ATE1: variants seen among roughly 807,000 people sequenced by gnomAD.
ATE1 encodes arginyl-tRNA--protein transferase 1.
A neutral mutation model predicts 70.5 loss-of-function variants in ATE1; 36 were observed. The observed-to-expected ratio is 0.51, with a 90% confidence interval of 0.39 to 0.67. The LOEUF (loss-of-function observed/expected upper bound fraction) is 0.67, where lower values mean the gene tolerates loss of function less well. Ranked by LOEUF, ATE1 falls within the 30% of genes least tolerant of loss-of-function variation. The pLI, the probability that ATE1 is intolerant of heterozygous loss-of-function variation, is 0.00. For synonymous variants in ATE1, 232 were observed against 219.3 expected (o/e 1.06, Z -0.51); for missense variants, 593 against 629.5 (o/e 0.94, Z 0.62).
At chr10:121,863,719 C>G (rs906518452) in intron 8 of ATE1, among the ~76,000 whole-genome samples, 2 of 152,160 alleles carry the variant, frequency 1.3e-5, no homozygotes, top group African/African-American at 2.4e-5. Context: ...AAATGATCTT[C>G]CCACCTCAGT....
At chr10:121,881,390 A>G (rs1950218318) in intron 7 of ATE1, among the ~76,000 whole-genome samples, 1 of 152,208 alleles carries the variant, frequency 6.6e-6, no homozygotes, top group Non-Finnish European at 1.5e-5. Flanking sequence ...TCAAAACGAG[A>G]GATCTGCTCC....
chr10:121,853,444 T>G (rs1949132114), intron 8 of ATE1, among the ~76,000 whole-genome samples: 1 of 152,108 alleles, frequency 6.6e-6, no homozygotes, highest in Admixed American at 6.5e-5. Flanking sequence ...TCAGAAACTT[T>G]TTGAGCACTG....
At chr10:121,769,889 T>C (rs4393248) in intron 11 of ATE1, among the ~76,000 whole-genome samples, 126,469 of 152,226 alleles carry the variant, frequency 0.83, 52,912 homozygotes, top group Middle Eastern at 0.89. Flanking sequence ...AAAGAAGTGT[T>C]ATCTTTCATC....
chr10:121,886,062 C>T (rs12266597), intron 7 of ATE1, among the ~76,000 whole-genome samples: 20,032 of 151,970 alleles, frequency 0.13, 1,521 homozygotes, highest in East Asian at 0.19. Flanking sequence ...GGGCATTTCC[C>T]TTGATTGTCA....
chr10:121,849,122 A>G (rs1289156905), intron 8 of ATE1, among the ~76,000 whole-genome samples: 1 of 151,250 alleles, frequency 6.6e-6, no homozygotes, highest in Non-Finnish European at 1.5e-5. Flanking sequence ...GAGGCACGAG[A>G]ATTGCTTGAT....
chr10:121,926,595 A>C, intron 1 of ATE1: 2 of 552,846 alleles, frequency 3.6e-6, no homozygotes, highest in Non-Finnish European at 2.3e-6. Flanking sequence ...TTATTGGAAA[A>C]AAATAAGTAA....
At chr10:121,906,959 AT>A (rs2134380756) in intron 5 of ATE1, among the ~76,000 whole-genome samples, 1 of 152,280 alleles carries the variant, frequency 6.6e-6, no homozygotes, top group African/African-American at 2.4e-5. Context: ...AGTGAAAAAA[AT>A]AAGAACCCTG....
intron 3 of ATE1, among the ~76,000 whole-genome samples, chr10:121,921,962 G>A (rs943506223): frequency 2.6e-5 from 4 of 152,158 alleles, no homozygotes; most frequent in African/African-American, 9.7e-5. Flanking sequence ...CTGTAGCATT[G>A]CTTGAACACA....
intron 1 of ATE1, among the ~76,000 whole-genome samples, chr10:121,926,470 T>G (rs781571423): frequency 2.6e-5 from 4 of 152,114 alleles, no homozygotes; most frequent in Non-Finnish European, 5.9e-5. Context: ...AAAATTAAAA[T>G]CGAGATACTA....
At chr10:121,819,894 C>T (rs1489470845) in intron 10 of ATE1, among the ~76,000 whole-genome samples, 1 of 151,788 alleles carries the variant, frequency 6.6e-6, no homozygotes, top group African/African-American at 2.4e-5. Flanking sequence ...GCCTGTAATC[C>T]CAGCACTTTG....
At chr10:121,895,674 G>A (rs986597067) in intron 7 of ATE1, among the ~76,000 whole-genome samples, 7 of 151,812 alleles carry the variant, frequency 4.6e-5, no homozygotes, top group Non-Finnish European at 8.8e-5. Flanking sequence ...TCAGCCAGGT[G>A]CAGTGGCTCA....
chr10:121,885,066 G>A (rs1338573916), intron 7 of ATE1, among the ~76,000 whole-genome samples: 2 of 151,616 alleles, frequency 1.3e-5, no homozygotes, highest in East Asian at 3.9e-4. Flanking sequence ...TTTAAGACCA[G>A]CCTGGCCAAC....
At chr10:121,886,114 A>T (rs1950388834) in intron 7 of ATE1, among the ~76,000 whole-genome samples, 1 of 151,858 alleles carries the variant, frequency 6.6e-6, no homozygotes, top group Non-Finnish European at 1.5e-5. Flanking sequence ...GCATTTTTGG[A>T]TTTCAGATTT....
chr10:121,877,339 A>G (rs952370095), intron 7 of ATE1, among the ~76,000 whole-genome samples: 9 of 152,258 alleles, frequency 5.9e-5, no homozygotes, highest in African/African-American at 1.4e-4. Context: ...CCGAAATTTT[A>G]TACAAGAGAA....
intron 7 of ATE1, among the ~76,000 whole-genome samples, chr10:121,891,953 A>C (rs1675571997): frequency 6.6e-6 from 1 of 152,220 alleles, no homozygotes; most frequent in Non-Finnish European, 1.5e-5. Context: ...AACTTTTCAA[A>C]GAACTTTTTT....
intron 3 of ATE1, 24 bp downstream of exon 3, chr10:121,922,325 C>G (rs764745558): frequency 6.7e-7 from 1 of 1,498,920 alleles, no homozygotes; most frequent in Admixed American, 1.8e-5. Context: ...TATAAATCCT[C>G]TTTCTACTAA....
chr10:121,766,639 G>C (rs1325606978), intron 11 of ATE1, among the ~76,000 whole-genome samples: 4 of 151,894 alleles, frequency 2.6e-5, no homozygotes, highest in Non-Finnish European at 5.9e-5. Flanking sequence ...GCTCCCTCTA[G>C]CCAAAGTACC....
intron 10 of ATE1, among the ~76,000 whole-genome samples, chr10:121,821,088 CCCA>C (rs1947776793): frequency 6.6e-6 from 1 of 152,132 alleles, no homozygotes; most frequent in Non-Finnish European, 1.5e-5. Flanking sequence ...ACTACAGGCG[CCCA>C]CCACCACGCC....
At position 121,913,834 on chromosome 10, in the gene ATE1, AAC is replaced by A; in HGVS notation, c.291_292del (p.Met97IlefsTer6). On this transcript the variant is annotated frameshift_variant, in exon 4 of 12. Transcript: ENST00000224652. LOFTEE classifies it high-confidence loss of function. ...AACCTCCCCTTTAGCTAGAAATTTC[AAC>A]ATTTTTTTCAAAACCTTCTTGTGAG... is the stretch of plus-strand genomic sequence containing the variant. The A allele has an allele frequency of 6.2e-7, 1 of 1,613,506 alleles. No individual in the cohort carries two copies. The highest frequency in any genetic ancestry group is 8.5e-7 in the Non-Finnish European group (1 of 1,179,546).
Sources: gnomAD v4.1 joint callset for allele counts (sites outside exome capture counted in the v4.1 genomes callset) on GRCh38, gnomAD v4.1.1 for gene constraint, MANE v1.5 for transcripts, NCBI Gene and HGNC (gene_info 2026-07-23, HGNC 2026-07-21) for gene names.